DPP6: variants seen among roughly 807,000 people sequenced by gnomAD.
The protein encoded by DPP6 is dipeptidyl peptidase like 6, also known as A-type potassium channel modulatory protein DPP6.
Under a neutral mutation model 122.6 loss-of-function variants are expected in DPP6, and 69 were observed. The observed-to-expected ratio is 0.56, with a 90% CI of 0.46 to 0.69. The LOEUF is 0.69. Among genes scored for constraint, DPP6 ranks in the 30% least tolerant of loss-of-function variants. The pLI is 0.00. For missense variants in DPP6, 928 were observed against 1,116.9 expected (o/e 0.83, Z 2.41); for synonymous variants, 418 against 433.1 (o/e 0.97, Z 0.43).
Position 154,599,946 on chromosome 7 carries a change from T to G in DPP6, c.627+33030T>G, listed in dbSNP as rs1833334727. ...CAGTCCCGCATGTTTTGGCAAACTTTCCTCTCTGCTGTGGCACTTCAATCC... is the reference window on the plus strand; with the variant it reads ...CAGTCCCGCATGTTTTGGCAAACTTGCCTCTCTGCTGTGGCACTTCAATCC... On this transcript the variant is annotated intron_variant, in intron 5 of 25. Coordinates refer to ENST00000377770, the MANE Select transcript of DPP6 (RefSeq NM_130797.4). 2.0e-5 allele frequency among the ~76,000 whole-genome samples: 3 copies of G among 152,222 alleles called. No individual in the cohort carries two copies. In the South Asian group the frequency reaches 6.2e-4, roughly 32 times the overall value.
At chr7:154,083,698 A>C (rs1408974082) in intron 1 of DPP6, among the ~76,000 whole-genome samples, 1 of 147,708 alleles carries the variant, frequency 6.8e-6, no homozygotes, top group Non-Finnish European at 1.5e-5. Flanking sequence ...CTCACCAGCC[A>C]TGCATGCCCA....
intron 16 of DPP6, among the ~76,000 whole-genome samples, chr7:154,820,101 G>A (rs1008722648): frequency 2.0e-5 from 3 of 152,314 alleles, no homozygotes; most frequent in African/African-American, 7.2e-5. Context: ...ATCAGAATCC[G>A]CATTCACGGA....
At position 154,062,241 on chromosome 7, in the gene DPP6, A is replaced by G. The variant is rs1276347218; in HGVS notation, c.243+9178A>G. 2.3e-4 allele frequency among the ~76,000 whole-genome samples: 21 copies of G among 92,214 alleles called. 6 individuals carry two copies. The highest frequency in any genetic ancestry group is 5.5e-4 in the Admixed American group (5 of 9,080). 60.5% of individuals were successfully genotyped at this position (92,214 alleles called of 152,430 possible). A position where few individuals can be genotyped will look rare whatever the true frequency, so the allele number is the denominator to read the frequency against. On this transcript the variant is annotated intron_variant, in intron 1 of 25. Transcript: ENST00000377770. ...TTAGGTGTCCAAGTAGAAAGTTCAAATCTTCTGACGGCAGGTACCTTACGT... is the reference window on the plus strand; with the variant it reads ...TTAGGTGTCCAAGTAGAAAGTTCAAGTCTTCTGACGGCAGGTACCTTACGT...
At chr7:154,359,105 A>G (rs1811511068) in intron 1 of DPP6, among the ~76,000 whole-genome samples, 1 of 152,234 alleles carries the variant, frequency 6.6e-6, no homozygotes, top group African/African-American at 2.4e-5. Context: ...CACATACCCA[A>G]GAAGACTGAA....
rs1586172298 is a variant in DPP6, at chr7:154,403,077, T to C, written c.244-43137T>C. ...GAGTTATTTATATGACTGTGTCAGG[T>C]ACCTGCCTGAAAATGCTCAACACTG... On this transcript the variant is annotated intron_variant, in intron 1 of 25. Transcript: ENST00000377770. This position sits in a 1 kb window ranked among gnomAD's most constrained non-coding sequence, Gnocchi z 4.1. 6.6e-6 allele frequency among the ~76,000 whole-genome samples: 1 copy of C among 152,330 alleles called. No individual in the cohort carries two copies. Among genetic ancestry groups the C allele is most frequent in the African/African-American group, 2.4e-5 (1 of 41,588 alleles).
At chr7:154,581,193 G>T in intron 5 of DPP6, among the ~76,000 whole-genome samples, 1 of 152,164 alleles carries the variant, frequency 6.6e-6, no homozygotes, top group African/African-American at 2.4e-5. Context: ...GCATGACAAA[G>T]AGCCGCGGAT....
At position 154,025,272 on chromosome 7, in the gene DPP6, T is replaced by C. The variant is rs529928114; in HGVS notation, c.51+137538T>C. ...TCTTGAGGGAAAAGGCCATGATGAG[T>C]GGGTTTGTATGTTGAATTGGAAAGA... is the stretch of plus-strand genomic sequence containing the variant. On this transcript the variant is annotated intron_variant, in intron 1 of 25. Transcript: ENST00000404039. Among the ~76,000 whole-genome samples the C allele has an allele frequency of 4.4e-3, 604 of 138,016 alleles. 8 individuals are homozygous for C. The highest frequency in any genetic ancestry group is 0.016 in the African/African-American group (586 of 35,916). 90.5% of individuals were successfully genotyped at this position (138,016 alleles called of 152,430 possible). A position where few individuals can be genotyped will look rare whatever the true frequency, so the allele number is the denominator to read the frequency against.
chr7:154,806,928 C>T (rs986791603), intron 15 of DPP6, 66 bp from the exon 16 acceptor site: 9 of 1,576,928 alleles, frequency 5.7e-6, no homozygotes, highest in Middle Eastern at 1.7e-4. Context: ...CACCAGCTTG[C>T]GGCACCCAGC....
At chr7:153,921,505 G>C (rs1329637260) in intron 1 of DPP6, among the ~76,000 whole-genome samples, 4 of 152,160 alleles carry the variant, frequency 2.6e-5, no homozygotes, top group African/African-American at 9.7e-5. Context: ...AGAAAATGAG[G>C]GTAGAGAAAT....
At chr7:154,394,112 G>A (rs1814864249) in intron 1 of DPP6, among the ~76,000 whole-genome samples, 1 of 152,154 alleles carries the variant, frequency 6.6e-6, no homozygotes. Flanking sequence ...ACCAGAAGTG[G>A]AATTGCTGGA....
rs1799855186 is a variant in DPP6, at chr7:154,213,709, G to C, written c.243+160646G>C. Among the ~76,000 whole-genome samples, 2 of 151,988 alleles carry C rather than the reference G, an allele frequency of 1.3e-5. 1 individual carries two copies. The highest frequency in any genetic ancestry group is 4.2e-4 in the South Asian group (2 of 4,816). On this transcript the variant is annotated intron_variant, in intron 1 of 25. Transcript: ENST00000377770. ...TTGAACCCCACCACCCCCCAACCCT[G>C]TGACTGATCCCCACAGCCTCCCCTT...
intron 16 of DPP6, among the ~76,000 whole-genome samples, chr7:154,836,172 G>C (rs1040837586): frequency 6.6e-6 from 1 of 152,190 alleles, no homozygotes; most frequent in African/African-American, 2.4e-5. Context: ...CCTGCCCGCC[G>C]CCTGCCGCCC....
chr7:153,828,732 A>G, the DPP6 span, among the ~76,000 whole-genome samples: 1 of 152,178 alleles, frequency 6.6e-6, no homozygotes, highest in African/African-American at 2.4e-5. Context: ...AGGAATTTGC[A>G]TTTTATTTCT....
At chr7:154,348,458 C>T (rs750875941) in intron 1 of DPP6, among the ~76,000 whole-genome samples, 19 of 152,270 alleles carry the variant, frequency 1.2e-4, no homozygotes, top group Non-Finnish European at 2.4e-4. Flanking sequence ...TTTTTATTCT[C>T]GCCCAACATC....
chr7:154,230,306 C>A (rs1381205888), intron 1 of DPP6, among the ~76,000 whole-genome samples: 1 of 152,194 alleles, frequency 6.6e-6, no homozygotes, highest in Non-Finnish European at 1.5e-5. Flanking sequence ...GAATGATAAT[C>A]AACAAACTAT....
intron 1 of DPP6, among the ~76,000 whole-genome samples, chr7:154,328,873 T>C (rs1318022561): frequency 6.6e-6 from 1 of 152,190 alleles, no homozygotes; most frequent in African/African-American, 2.4e-5. Context: ...GGGAACTGTG[T>C]GGCTTCATGG....
chr7:154,265,553 T>C (rs1452807309), intron 1 of DPP6, among the ~76,000 whole-genome samples: 2 of 152,194 alleles, frequency 1.3e-5, no homozygotes, highest in African/African-American at 4.8e-5. Context: ...TGTTGTAACT[T>C]TTAATAAATT....
intron 19 of DPP6, among the ~76,000 whole-genome samples, chr7:154,874,375 G>A (rs937265473): frequency 9.9e-5 from 15 of 152,210 alleles, no homozygotes; most frequent in Non-Finnish European, 1.5e-5. Context: ...GAGCTCGGAC[G>A]GGACCGGCCA....
intron 25 of DPP6, chr7:154,890,245 T>C (rs1431468983): frequency 1.3e-5 from 2 of 152,324 alleles, no homozygotes; most frequent in East Asian, 1.9e-4. Context: ...GGAGAGCTCC[T>C]TGGGGACAGA....
Sources: allele counts gnomAD v4.1 joint callset (sites outside exome capture counted in the v4.1 genomes callset), GRCh38; gene constraint gnomAD v4.1.1; non-coding constraint Gnocchi (gnomAD v3.1); transcripts MANE v1.5; gene names NCBI Gene and HGNC (gene_info 2026-07-23, HGNC 2026-07-21).